The following CNTN1 variants were observed in gnomAD, a reference collection of about 807,000 sequenced individuals.
The protein encoded by CNTN1 is contactin-1.
Under a neutral mutation model 126.4 loss-of-function variants are expected in CNTN1, and 38 were observed. The observed-to-expected ratio is 0.30, with a 90% CI of 0.23 to 0.39. The LOEUF is 0.39. CNTN1 is among the 10% of genes least tolerant of loss of function. The pLI is 1.00. For missense variants in CNTN1, 1,009 were observed against 1,248.4 expected, an observed-to-expected ratio of 0.81 and a Z score of 2.89; for synonymous variants, 413 against 422.6, an observed-to-expected ratio of 0.98 and a Z score of 0.28.
chr12:40,715,864 C>T (rs1942034325), intron 1 of CNTN1, among the ~76,000 whole-genome samples: 3 of 152,070 alleles, frequency 2.0e-5, no homozygotes, highest in Admixed American at 1.3e-4. Context: ...ACCTGGGTAA[C>T]TTTAACAATA....
intron 1 of CNTN1, among the ~76,000 whole-genome samples, chr12:40,810,665 AGTT>A (rs1941029072): frequency 6.6e-6 from 1 of 151,856 alleles, no homozygotes; most frequent in Non-Finnish European, 1.5e-5. Flanking sequence ...ATGACACTTC[AGTT>A]AGCATAATGT....
chr12:40,969,756 A>G lies in CNTN1; in HGVS notation c.1804+10522A>G, dbSNP rs150647644. Among the ~76,000 whole-genome samples, 109 of 152,328 alleles carry G rather than the reference A, an allele frequency of 7.2e-4. 1 individual carries two copies. The highest frequency in any genetic ancestry group is 2.6e-3 in the African/African-American group (107 of 41,590). ...CCCTGAAGAGCCAACACCTTCACCTAAAAGTGCATTGGGATGCAAGTGAGT... is the reference window on the plus strand; with the variant it reads ...CCCTGAAGAGCCAACACCTTCACCTGAAAGTGCATTGGGATGCAAGTGAGT... On this transcript the variant is annotated intron_variant, in intron 15 of 23. Coordinates refer to ENST00000551295, the MANE Select transcript of CNTN1 (RefSeq NM_001843.4).
intron 1 of CNTN1, among the ~76,000 whole-genome samples, chr12:40,699,046 C>T (rs1301526868): frequency 7.0e-6 from 1 of 143,696 alleles, no homozygotes; most frequent in Admixed American, 7.3e-5. Context: ...TCTTGGAGGA[C>T]TTCCCCTGAA....
intron 1 of CNTN1, among the ~76,000 whole-genome samples, chr12:40,750,593 A>T (rs1349123643): frequency 6.6e-6 from 1 of 152,066 alleles, no homozygotes; most frequent in Non-Finnish European, 1.5e-5. Context: ...GCTTGAACCC[A>T]GGAGTTTAAG....
chr12:40,891,744 T>C (rs78150449), intron 1 of CNTN1, among the ~76,000 whole-genome samples: 2,209 of 152,252 alleles, frequency 0.015, 62 homozygotes, highest in African/African-American at 0.051. Flanking sequence ...TTGATCTATG[T>C]ATCTGTATTT....
chr12:41,043,782 AAT>A (rs1949477166), intron 23 of CNTN1, among the ~76,000 whole-genome samples: 1 of 151,802 alleles, frequency 6.6e-6, no homozygotes, highest in African/African-American at 2.4e-5. Flanking sequence ...GGATTAAGAA[AAT>A]GTGGCACATA....
intron 1 of CNTN1, among the ~76,000 whole-genome samples, chr12:40,818,412 T>G (rs1305860887): frequency 6.6e-6 from 1 of 152,160 alleles, no homozygotes; most frequent in African/African-American, 2.4e-5. Context: ...TTTATTTCAG[T>G]AAGGTGGTCT....
intron 18 of CNTN1, 58 bp downstream of exon 18, chr12:41,014,356 C>T: frequency 1.3e-6 from 2 of 1,547,410 alleles, no homozygotes; most frequent in Non-Finnish European, 1.8e-6. Context: ...TAACTTCCAC[C>T]CCATTTTGTT....
chr12:41,064,502 A>G (rs1025134830), intron 23 of CNTN1, among the ~76,000 whole-genome samples: 9 of 152,222 alleles, frequency 5.9e-5, no homozygotes, highest in African/African-American at 2.2e-4. Flanking sequence ...AATTGCTACC[A>G]TTTACTGGGA....
chr12:40,741,086 T>C (rs752369284), intron 1 of CNTN1, among the ~76,000 whole-genome samples: 3 of 152,082 alleles, frequency 2.0e-5, no homozygotes, highest in Non-Finnish European at 2.9e-5. Context: ...ATATATATAA[T>C]TGATGGTTAG....
chr12:40,718,913 T>G (rs996168944), intron 1 of CNTN1, among the ~76,000 whole-genome samples: 1 of 152,190 alleles, frequency 6.6e-6, no homozygotes, highest in Non-Finnish European at 1.5e-5. Context: ...ATTTTTTTTT[T>G]TCCCATTAGA....
intron 1 of CNTN1, among the ~76,000 whole-genome samples, chr12:40,785,145 T>G (rs1272126784): frequency 1.3e-5 from 2 of 152,130 alleles, no homozygotes; most frequent in African/African-American, 4.8e-5. Context: ...AAAAAAACTA[T>G]TTAGTATTAT....
chr12:40,876,801 A>G (rs962559700), intron 1 of CNTN1, among the ~76,000 whole-genome samples: 22 of 152,232 alleles, frequency 1.4e-4, no homozygotes, highest in African/African-American at 5.1e-4. Flanking sequence ...TATCTGTTGG[A>G]CAAATACTAT....
intron 15 of CNTN1, among the ~76,000 whole-genome samples, chr12:40,959,554 G>C (rs1233830388): frequency 6.6e-6 from 1 of 152,058 alleles, no homozygotes; most frequent in Non-Finnish European, 1.5e-5. Flanking sequence ...GTTGTGTATA[G>C]TGCTGTTTCC....
chr12:40,938,168 G>A (rs1415655159), intron 11 of CNTN1, among the ~76,000 whole-genome samples: 1 of 152,190 alleles, frequency 6.6e-6, no homozygotes, highest in African/African-American at 2.4e-5. Flanking sequence ...AGTCTGCCAA[G>A]GGAAGAGGAG....
Position 41,036,785 on chromosome 12 carries a change from T to C in CNTN1, c.2980+7566T>C, listed in dbSNP as rs150176732. Among the ~76,000 whole-genome samples the C allele has an allele frequency of 4.0e-3, 602 of 152,286 alleles. 7 individuals are homozygous for C. Among genetic ancestry groups the C allele is most frequent in the African/African-American group, 0.014 (580 of 41,568 alleles). On this transcript the variant is annotated intron_variant, in intron 23 of 23. Coordinates refer to ENST00000551295, the MANE Select transcript of CNTN1 (RefSeq NM_001843.4). ...TGGATTCCCAATTATTTTCTTAGAA[T>C]GATTGCTAGAAGTGCAATGACTGGA...
intron 1 of CNTN1, among the ~76,000 whole-genome samples, chr12:40,715,474 G>A (rs909265425): frequency 6.6e-6 from 1 of 151,988 alleles, no homozygotes; most frequent in Admixed American, 6.6e-5. Context: ...TTATTAATTG[G>A]TGCAAAAGTA....
chr12:40,956,575 A>T (rs1946890611), intron 14 of CNTN1, among the ~76,000 whole-genome samples: 1 of 152,014 alleles, frequency 6.6e-6, no homozygotes, highest in South Asian at 2.1e-4. Flanking sequence ...AGACAAGACA[A>T]TGTGATGAAC....
At chr12:40,796,031 T>C in intron 1 of CNTN1, among the ~76,000 whole-genome samples, 1 of 152,134 alleles carries the variant, frequency 6.6e-6, no homozygotes, top group East Asian at 1.9e-4. Context: ...ATATGTATTC[T>C]GCCACCAAAA....
Sources: gnomAD v4.1 joint callset for allele counts (sites outside exome capture counted in the v4.1 genomes callset) on GRCh38, gnomAD v4.1.1 for gene constraint, MANE v1.5 for transcripts, NCBI Gene and HGNC (gene_info 2026-07-23, HGNC 2026-07-21) for gene names.